Variants in CPA6 observed in about 807,000 individuals in gnomAD.
CPA6 encodes carboxypeptidase A6, also known as carboxypeptidase B.
Under a neutral mutation model 63.3 loss-of-function variants are expected in CPA6, and 58 were observed. The observed-to-expected ratio is 0.92, with a 90% confidence interval of 0.74 to 1.14. The LOEUF is 1.14. CPA6 is among the 50% of genes most tolerant of loss of function. The pLI, the probability that CPA6 is intolerant of heterozygous loss-of-function variation, is 0.00. For synonymous variants in CPA6, 185 were observed against 179.0 expected (o/e 1.03, Z -0.27); for missense variants, 565 against 526.6 (o/e 1.07, Z -0.71).
At chr8:67,540,131 C>T (rs114168908) in intron 2 of CPA6, among the ~76,000 whole-genome samples, 2,142 of 150,810 alleles carry the variant, frequency 0.014, 54 homozygotes, top group African/African-American at 0.049. Flanking sequence ...TCCTCATTCT[C>T]GTGGATTTAT....
rs868298623 is a variant in CPA6, at chr8:67,473,581, A to G, written c.838+10187T>C. 1.2e-4 allele frequency among the ~76,000 whole-genome samples: 19 copies of G among 152,278 alleles called. 1 individual carries two copies. The highest frequency in any genetic ancestry group is 6.8e-3 in the Middle Eastern group (2 of 294). On this transcript the variant is annotated intron_variant, in intron 8 of 10. Coordinates refer to ENST00000297770, the MANE Select transcript of CPA6 (RefSeq NM_020361.5). ...TTCATGAAAAGGCACAGAATCCCCT[A>G]TGGCTAGTTTTAAGGGGATTTTATT... is the stretch of plus-strand genomic sequence containing the variant.
intron 2 of CPA6, among the ~76,000 whole-genome samples, chr8:67,527,735 G>A (rs1812394538): frequency 6.6e-6 from 1 of 152,304 alleles, no homozygotes; most frequent in Middle Eastern, 3.4e-3. Flanking sequence ...TATTAAACCA[G>A]ATAACTATTC....
chr8:67,735,967 G>A (rs569916413), intron 1 of CPA6, among the ~76,000 whole-genome samples: 4 of 152,230 alleles, frequency 2.6e-5, no homozygotes, highest in South Asian at 2.1e-4. Context: ...AAAACCTGTG[G>A]AGCTGGGTTT....
chr8:67,649,442 T>G (rs987777415), intron 1 of CPA6, among the ~76,000 whole-genome samples: 6 of 152,168 alleles, frequency 3.9e-5, no homozygotes, highest in African/African-American at 1.4e-4. Flanking sequence ...TTTTTTTCAT[T>G]CTTACTATTT....
At chr8:67,629,971 G>T (rs1815284989) in intron 1 of CPA6, among the ~76,000 whole-genome samples, 1 of 151,890 alleles carries the variant, frequency 6.6e-6, no homozygotes, top group Non-Finnish European at 1.5e-5. Flanking sequence ...TGGGCGTAGT[G>T]GCAGACATCT....
At chr8:67,477,914 T>A (rs939780864) in intron 8 of CPA6, among the ~76,000 whole-genome samples, 1 of 152,194 alleles carries the variant, frequency 6.6e-6, no homozygotes, top group Non-Finnish European at 1.5e-5. Flanking sequence ...TTGGTCTTCA[T>A]CCTGTTTCCT....
At chr8:67,500,786 A>G (rs191033186) in intron 6 of CPA6, among the ~76,000 whole-genome samples, 8 of 150,894 alleles carry the variant, frequency 5.3e-5, no homozygotes, top group African/African-American at 1.5e-4. Flanking sequence ...TGCAATGAAT[A>G]TCCAATTGCT....
intron 1 of CPA6, among the ~76,000 whole-genome samples, chr8:67,673,068 G>C (rs1816383753): frequency 1.3e-5 from 2 of 152,142 alleles, no homozygotes; most frequent in Non-Finnish European, 2.9e-5. Flanking sequence ...GTAGCCCAGA[G>C]AGAAATATAC....
At chr8:67,681,864 T>C (rs1415032881) in intron 1 of CPA6, among the ~76,000 whole-genome samples, 2 of 152,144 alleles carry the variant, frequency 1.3e-5, no homozygotes, top group Non-Finnish European at 2.9e-5. Context: ...TTTTCAGAGT[T>C]GTTTGGCTTT....
chr8:67,481,898 A>C (rs1279249567), intron 8 of CPA6, among the ~76,000 whole-genome samples: 1 of 152,238 alleles, frequency 6.6e-6, no homozygotes, highest in Non-Finnish European at 1.5e-5. Context: ...CAGCTGACAC[A>C]GTACCAGCCA....
intron 5 of CPA6, 122 bp from the exon 6 acceptor site, chr8:67,507,010 G>T: frequency 1.6e-6 from 1 of 644,922 alleles, no homozygotes; most frequent in Non-Finnish European, 2.8e-6. Context: ...TGCATAAAAA[G>T]GACAAAGGGA....
At chr8:67,605,531 C>CTTTTTTTTTTTTTTTTTTTTA (rs68153641) in intron 2 of CPA6, among the ~76,000 whole-genome samples, 1 of 125,270 alleles carries the variant, frequency 8.0e-6, no homozygotes, top group Non-Finnish European at 1.7e-5. Context: ...TATTGTATTG[C>CTTTTTTTTTTTTTTTTTTTTA]TTTTTTTTTT....
At chr8:67,596,373 C>G (rs1814335227) in intron 2 of CPA6, among the ~76,000 whole-genome samples, 1 of 152,196 alleles carries the variant, frequency 6.6e-6, no homozygotes, top group Non-Finnish European at 1.5e-5. Flanking sequence ...CTTCTGGCTT[C>G]CATTGCTTCT....
Position 67,496,546 on chromosome 8 carries a change from TA to T in CPA6, c.636+10240del, listed in dbSNP as rs1563976169. Among the ~76,000 whole-genome samples, 658 of 139,900 alleles carry T rather than the reference TA, an allele frequency of 4.7e-3. 15 individuals carry two copies. Among genetic ancestry groups the T allele is most frequent in the African/African-American group, 0.016 (596 of 36,726 alleles). 91.8% of individuals were successfully genotyped at this position (139,900 alleles called of 152,430 possible). A position where few individuals can be genotyped will look rare whatever the true frequency, so the allele number is the denominator to read the frequency against. On this transcript the variant is annotated intron_variant, in intron 6 of 10. Coordinates refer to ENST00000297770, the MANE Select transcript of CPA6 (RefSeq NM_020361.5). ...ATATATATATATATATATATATATA[TA>T]TATATATATATTTATTTTATTTTTT...
At chr8:67,639,314 C>T (rs1815537417) in intron 1 of CPA6, among the ~76,000 whole-genome samples, 1 of 151,662 alleles carries the variant, frequency 6.6e-6, no homozygotes, top group Admixed American at 6.6e-5. Context: ...TCCTTCTGTT[C>T]TCTCAGTCTG....
intron 10 of CPA6, among the ~76,000 whole-genome samples, chr8:67,423,273 C>T (rs1348385177): frequency 1.3e-5 from 2 of 152,074 alleles, no homozygotes; most frequent in African/African-American, 2.4e-5. Context: ...GTAGTAGAGA[C>T]AGGGTTTTAC....
Position 67,509,525 on chromosome 8 carries a change from TA to T in CPA6, c.525del (p.Phe175LeufsTer3). 2 of 1,520,108 alleles carry T rather than the reference TA, an allele frequency of 1.3e-6. No homozygotes were observed. Among genetic ancestry groups the T allele is most frequent in the Non-Finnish European group, 1.8e-6 (2 of 1,103,706 alleles). The allele number at this position is 1,520,108 out of a possible 1,614,324, so 94.2% of individuals were successfully genotyped here. On this transcript the variant is annotated frameshift_variant, in exon 5 of 11. Coordinates refer to ENST00000297770, the MANE Select transcript of CPA6 (RefSeq NM_020361.5). ...IGRSYEGRSL[F>X]ILKLGRRSRL... is the part of the protein sequence containing the mutation. ...CAATTGCTTATTTTTACCTTTAAAA[TA>T]AAAAGAGATCTTCCCTCATATGATC...
intron 1 of CPA6, among the ~76,000 whole-genome samples, chr8:67,635,499 G>A (rs573592002): frequency 3.8e-4 from 58 of 151,872 alleles, no homozygotes; most frequent in African/African-American, 1.4e-3. Context: ...TGGGCATGGT[G>A]GCTCATGCCT....
intron 1 of CPA6, among the ~76,000 whole-genome samples, chr8:67,656,637 A>G (rs369622810): frequency 1.3e-5 from 2 of 152,256 alleles, no homozygotes; most frequent in East Asian, 3.9e-4. Context: ...AACCTCCCCA[A>G]TGTCTGGTTA....
Sources: allele counts gnomAD v4.1 joint callset (sites outside exome capture counted in the v4.1 genomes callset), GRCh38; gene constraint gnomAD v4.1.1; transcripts MANE v1.5; gene names NCBI Gene and HGNC (gene_info 2026-07-23, HGNC 2026-07-21).